NDUFS4: variants seen among roughly 807,000 people sequenced by gnomAD.
NDUFS4 encodes the protein NADH dehydrogenase [ubiquinone] iron-sulfur protein 4, mitochondrial.
A neutral mutation model predicts 24.3 loss-of-function variants in NDUFS4; 28 were observed. The observed-to-expected ratio is 1.15, with a 90% confidence interval of 0.85 to 1.58. The LOEUF (loss-of-function observed/expected upper bound fraction) is 1.58, where lower values mean the gene tolerates loss of function less well. NDUFS4 is among the 40% of genes most tolerant of loss of function. NDUFS4 has a pLI of 0.00. For missense variants in NDUFS4, 223 were observed against 207.9 expected (o/e 1.07, Z -0.45); for synonymous variants, 93 against 69.7 (o/e 1.34, Z -1.67).
rs1469071660 is a variant in NDUFS4, at chr5:53,560,696, C to T, written c.34C>T (p.Gln12Ter). The change falls in exon 1 of 5, where the codon CAG becomes TAG. Residue 12 changes from glutamine (Q) to a stop codon, truncating the protein, a stop_gained. Coordinates refer to ENST00000296684, the MANE Select transcript of NDUFS4 (RefSeq NM_002495.4). LOFTEE classifies it high-confidence loss of function. ...AAVSMSVVLR[Q>*]TLWRRRAVAV... ...GGTGTCAATGTCAGTGGTACTGAGG[C>T]AGACGTTGTGGCGGAGAAGGGCAGT... is the stretch of plus-strand genomic sequence containing the variant. The T allele has an allele frequency of 6.2e-7, 1 of 1,614,256 alleles. No individual in the cohort carries two copies. The highest frequency in any genetic ancestry group is 8.5e-7 in the Non-Finnish European group (1 of 1,180,040).
intron 1 of NDUFS4, among the ~76,000 whole-genome samples, chr5:53,570,831 A>C (rs1201280642): frequency 6.6e-6 from 1 of 151,554 alleles, no homozygotes; most frequent in East Asian, 1.9e-4. Context: ...TTACAGGTGC[A>C]TGCCACCATG....
rs116798099 is a variant in NDUFS4 at position 53,644,984 on chromosome 5, T to C, written c.178-1249T>C. ...GTACTAGCTAAGAATACTTACCAGC[T>C]AAGTATTCTTGCCAGTTATTTGGTT... On this transcript the variant is annotated intron_variant, in intron 2 of 4. Coordinates refer to ENST00000296684, the MANE Select transcript of NDUFS4 (RefSeq NM_002495.4). Among the ~76,000 whole-genome samples the C allele has an allele frequency of 3.1e-3, 471 of 152,256 alleles. 2 individuals carry two copies. Among genetic ancestry groups the C allele is most frequent in the African/African-American group, 0.01 (419 of 41,570 alleles).
rs1748806595 is a variant in NDUFS4 at position 53,560,713 on chromosome 5, A to T, written c.51A>T (p.Arg17Ser). The stretch of plus-strand genomic sequence containing the variant: ...TACTGAGGCAGACGTTGTGGCGGAG[A>T]AGGGCAGTGGCTGTAGCTGCCCTTT... ...SVVLRQTLWR[R>S]RAVAVAALSV... Residue 17 changes from arginine (R) to serine (S), a missense_variant, in exon 1 of 5, where the codon AGA becomes AGT. By Grantham distance (110) the Arg-to-Ser change is moderately radical. Transcript: ENST00000296684. 6.2e-7 allele frequency: 1 copy of T among 1,614,168 alleles called. No homozygotes were observed. Among genetic ancestry groups the T allele is most frequent in the Non-Finnish European group, 8.5e-7 (1 of 1,180,030 alleles).
At chr5:53,593,079 C>G (rs555911248) in intron 1 of NDUFS4, among the ~76,000 whole-genome samples, 2 of 152,222 alleles carry the variant, frequency 1.3e-5, no homozygotes, top group Admixed American at 1.3e-4. Flanking sequence ...GTACTACATG[C>G]TTCTATTTCC....
At chr5:53,580,665 C>CTCTT (rs149906944) in intron 1 of NDUFS4, among the ~76,000 whole-genome samples, 7 of 151,484 alleles carry the variant, frequency 4.6e-5, no homozygotes, top group Admixed American at 3.3e-4. Flanking sequence ...TTCTTTCTCT[C>CTCTT]TCTTTCTTTC....
At chr5:53,600,246 T>G (rs1391676017) in intron 1 of NDUFS4, among the ~76,000 whole-genome samples, 2 of 151,928 alleles carry the variant, frequency 1.3e-5, no homozygotes, top group African/African-American at 4.8e-5. Context: ...TGATCCGCCA[T>G]CCTCGGCCTC....
intron 1 of NDUFS4, among the ~76,000 whole-genome samples, chr5:53,581,605 C>T (rs924856607): frequency 2.6e-5 from 4 of 152,084 alleles, no homozygotes; most frequent in African/African-American, 4.8e-5. Flanking sequence ...CTGTCTGTGC[C>T]TTCTCTGCCC....
chr5:53,563,136 G>A (rs1245392091), intron 1 of NDUFS4, among the ~76,000 whole-genome samples: 1 of 152,004 alleles, frequency 6.6e-6, no homozygotes, highest in African/African-American at 2.4e-5. Flanking sequence ...GGCTGAGGCA[G>A]GAGGATGGCG....
chr5:53,607,654 T>C (rs1750565761), intron 2 of NDUFS4, among the ~76,000 whole-genome samples: 1 of 152,186 alleles, frequency 6.6e-6, no homozygotes, highest in Non-Finnish European at 1.5e-5. Flanking sequence ...AAAAGTTTCC[T>C]TTAAAGTACA....
intron 2 of NDUFS4, among the ~76,000 whole-genome samples, chr5:53,634,778 A>G (rs1316908955): frequency 2.0e-5 from 3 of 151,736 alleles, no homozygotes; most frequent in African/African-American, 7.3e-5. Flanking sequence ...TCAAAAGGTA[A>G]TGTTATATAA....
chr5:53,572,834 C>T (rs555472470), intron 1 of NDUFS4, among the ~76,000 whole-genome samples: 78 of 151,724 alleles, frequency 5.1e-4, no homozygotes, highest in Non-Finnish European at 9.7e-4. Flanking sequence ...TTAGTAGAGA[C>T]GGGGTTTCAC....
chr5:53,618,327 T>C (rs1579879612), intron 2 of NDUFS4, among the ~76,000 whole-genome samples: 1 of 152,176 alleles, frequency 6.6e-6, no homozygotes. Flanking sequence ...AAAAAGTGTT[T>C]TTCTTCCTTT....
chr5:53,676,868 T>G (rs1002776200), intron 4 of NDUFS4, among the ~76,000 whole-genome samples: 1 of 152,214 alleles, frequency 6.6e-6, no homozygotes, highest in Non-Finnish European at 1.5e-5. Context: ...TAGATAGCTT[T>G]TTCCTCCCAA....
chr5:53,680,948 T>G (rs1057329694), intron 4 of NDUFS4, among the ~76,000 whole-genome samples: 1 of 152,088 alleles, frequency 6.6e-6, no homozygotes. Flanking sequence ...TACTGTTCTC[T>G]GCCTACTTCT....
chr5:53,603,760 G>A (rs991493479), intron 2 of NDUFS4, among the ~76,000 whole-genome samples: 1 of 151,806 alleles, frequency 6.6e-6, no homozygotes, highest in Admixed American at 6.6e-5. Context: ...ATTATGAAAG[G>A]TTTTCATTTT....
At chr5:53,627,107 C>A (rs1044991527) in intron 2 of NDUFS4, among the ~76,000 whole-genome samples, 2 of 152,102 alleles carry the variant, frequency 1.3e-5, no homozygotes, top group Non-Finnish European at 2.9e-5. Context: ...ATATGGCTAG[C>A]CAGTTCCCAG....
chr5:53,585,468 G>A (rs1222017523), intron 1 of NDUFS4, among the ~76,000 whole-genome samples: 4 of 152,158 alleles, frequency 2.6e-5, no homozygotes, highest in East Asian at 1.9e-4. Flanking sequence ...TTTTTGTGCC[G>A]GGCTTGGTGG....
intron 1 of NDUFS4, among the ~76,000 whole-genome samples, chr5:53,562,780 G>A (rs1272483047): frequency 6.6e-6 from 1 of 152,098 alleles, no homozygotes. Flanking sequence ...TCTGAAAAAG[G>A]TGAGTAGAAA....
At chr5:53,682,162 C>T (rs1200795586) in intron 4 of NDUFS4, among the ~76,000 whole-genome samples, 1 of 152,000 alleles carries the variant, frequency 6.6e-6, no homozygotes, top group East Asian at 1.9e-4. Context: ...GGTTGCCTAG[C>T]TTAGGGAATA....
Sources: gnomAD v4.1 joint callset for allele counts (sites outside exome capture counted in the v4.1 genomes callset) on GRCh38, gnomAD v4.1.1 for gene constraint, MANE v1.5 for transcripts, NCBI Gene and HGNC (gene_info 2026-07-23, HGNC 2026-07-21) for gene names.